MYO1D: variants seen among roughly 807,000 people sequenced by gnomAD.
The protein encoded by MYO1D is myosin ID.
MYO1D carries 83 observed loss-of-function variants against 122.0 expected under a neutral mutation model. The observed-to-expected ratio is 0.68, with a 90% CI of 0.57 to 0.82. MYO1D has a LOEUF of 0.82. Ranked by LOEUF, MYO1D falls within the 40% of genes least tolerant of loss-of-function variation. The pLI, the probability that MYO1D is intolerant of heterozygous loss-of-function variation, is 0.00. For missense variants in MYO1D, 1,157 were observed against 1,269.5 expected, an observed-to-expected ratio of 0.91 and a Z score of 1.35; for synonymous variants, 464 against 446.9, an observed-to-expected ratio of 1.04 and a Z score of -0.48.
At chr17:32,720,689 C>G (rs1266731903) in intron 15 of MYO1D, among the ~76,000 whole-genome samples, 1 of 152,074 alleles carries the variant, frequency 6.6e-6, no homozygotes, top group East Asian at 1.9e-4. Flanking sequence ...AAAACAGGGT[C>G]ATAGAAGTTA....
chr17:32,800,370 A>C (rs2151042671), intron 1 of MYO1D, among the ~76,000 whole-genome samples: 1 of 152,354 alleles, frequency 6.6e-6, no homozygotes, highest in East Asian at 1.9e-4. Context: ...TTTATTTAAA[A>C]AAATAGGAAA....
intron 13 of MYO1D, among the ~76,000 whole-genome samples, chr17:32,739,316 A>C (rs1357065100): frequency 6.6e-6 from 1 of 152,120 alleles, no homozygotes; most frequent in Non-Finnish European, 1.5e-5. Context: ...TGCAGCCATA[A>C]AAAAGGATGA....
At chr17:32,670,728 A>G (rs1250427981) in intron 16 of MYO1D, among the ~76,000 whole-genome samples, 3 of 152,160 alleles carry the variant, frequency 2.0e-5, no homozygotes, top group African/African-American at 7.2e-5. Context: ...CCATGTTTGC[A>G]TACTCACAAA....
At chr17:32,654,386 T>C (rs1482462958) in intron 18 of MYO1D, 91 bp downstream of exon 18, 9 of 1,394,920 alleles carry the variant, frequency 6.5e-6, no homozygotes, top group Non-Finnish European at 8.8e-6. Context: ...TAAAAGTGTT[T>C]TATCCTTTCT....
At position 32,824,928 on chromosome 17, in the gene MYO1D, T is replaced by C. The variant is rs201923513; in HGVS notation, c.96-44144A>G. ...CACTAAACTGCAATGTTTACTTTTG[T>C]GGAGTAGAATTCGTGGAGGAGAGGA... On this transcript the variant is annotated intron_variant, in intron 1 of 21. Transcript: ENST00000318217. Among the ~76,000 whole-genome samples the C allele has an allele frequency of 9.8e-5, 15 of 152,350 alleles. No homozygotes were observed. The East Asian group carries it at 2.9e-3, about 29-fold the overall frequency.
chr17:32,722,341 C>A (rs1342033802), intron 14 of MYO1D, among the ~76,000 whole-genome samples: 1 of 152,134 alleles, frequency 6.6e-6, no homozygotes, highest in Non-Finnish European at 1.5e-5. Context: ...GGTCAGAAGT[C>A]TGAAATAGGT....
At chr17:32,612,360 G>C (rs1039616266) in intron 20 of MYO1D, among the ~76,000 whole-genome samples, 8 of 152,150 alleles carry the variant, frequency 5.3e-5, no homozygotes, top group Non-Finnish European at 1.0e-4. Context: ...TTAGGAATGA[G>C]AAAGGGATTT....
chr17:32,594,416 A>G, intron 21 of MYO1D: 1 of 429,678 alleles, frequency 2.3e-6, no homozygotes, highest in Non-Finnish European at 4.1e-6. Flanking sequence ...ACATTTTAAA[A>G]TATCTTTCCT....
At chr17:32,844,272 A>C (rs1341440803) in intron 1 of MYO1D, among the ~76,000 whole-genome samples, 1 of 146,974 alleles carries the variant, frequency 6.8e-6, no homozygotes, top group Non-Finnish European at 1.5e-5. Context: ...TATATATCAT[A>C]TATGATATAT....
chr17:32,709,764 A>C (rs1333571496), intron 16 of MYO1D, among the ~76,000 whole-genome samples: 1 of 152,204 alleles, frequency 6.6e-6, no homozygotes, highest in Non-Finnish European at 1.5e-5. Flanking sequence ...AACAGAATCA[A>C]CAAATATAAA....
intron 1 of MYO1D, among the ~76,000 whole-genome samples, chr17:32,868,071 T>A (rs550454576): frequency 6.6e-6 from 1 of 152,230 alleles, no homozygotes; most frequent in South Asian, 2.1e-4. Context: ...CCAAAGAGTC[T>A]AAAACGATTT....
chr17:32,696,332 T>G (rs73280053), intron 16 of MYO1D, among the ~76,000 whole-genome samples: 5,301 of 152,210 alleles, frequency 0.035, 309 homozygotes, highest in African/African-American at 0.12. Flanking sequence ...ATTAGTACAC[T>G]TATGGACCTA....
intron 1 of MYO1D, among the ~76,000 whole-genome samples, chr17:32,861,583 T>C (rs1285864738): frequency 6.6e-6 from 1 of 152,112 alleles, no homozygotes; most frequent in East Asian, 1.9e-4. Flanking sequence ...ATCTTGGGAT[T>C]TTATGTCCCA....
intron 16 of MYO1D, among the ~76,000 whole-genome samples, chr17:32,665,830 T>C (rs750747008): frequency 6.6e-6 from 1 of 152,142 alleles, no homozygotes; most frequent in Non-Finnish European, 1.5e-5. Context: ...AGGTTGGGAG[T>C]AGCCATCTGT....
intron 20 of MYO1D, 149 bp from the exon 21 acceptor site, chr17:32,605,390 T>C (rs2087614579): frequency 1.6e-6 from 1 of 609,488 alleles, no homozygotes; most frequent in Non-Finnish European, 2.6e-6. Context: ...AGCCCTGGAG[T>C]TTGAATCCAG....
At chr17:32,816,468 AAAT>A (rs1264780381) in intron 1 of MYO1D, among the ~76,000 whole-genome samples, 1 of 152,190 alleles carries the variant, frequency 6.6e-6, no homozygotes, top group East Asian at 1.9e-4. Context: ...TTAAACTTTG[AAAT>A]CATTTTAATA....
chr17:32,653,566 A>G (rs2088428071), intron 19 of MYO1D, among the ~76,000 whole-genome samples: 1 of 142,364 alleles, frequency 7.0e-6, no homozygotes, highest in Non-Finnish European at 1.5e-5. Flanking sequence ...AGATTACGCC[A>G]CTGCTGTCCA....
At chr17:32,716,591 G>T (rs2089450396) in intron 15 of MYO1D, among the ~76,000 whole-genome samples, 2 of 152,286 alleles carry the variant, frequency 1.3e-5, no homozygotes, top group South Asian at 4.1e-4. Flanking sequence ...TAAAGACAGA[G>T]GTAATACCAA....
At chr17:32,823,945 T>C (rs574245934) in intron 1 of MYO1D, among the ~76,000 whole-genome samples, 2 of 151,686 alleles carry the variant, frequency 1.3e-5, no homozygotes, top group South Asian at 4.2e-4. Context: ...TGGGCACCTG[T>C]AGTCCCGGCT....
Sources: gnomAD v4.1 joint callset for allele counts (sites outside exome capture counted in the v4.1 genomes callset) on GRCh38, gnomAD v4.1.1 for gene constraint, MANE v1.5 for transcripts, NCBI Gene and HGNC (gene_info 2026-07-23, HGNC 2026-07-21) for gene names.